Variants in GUCY1A2 observed in about 807,000 individuals in gnomAD.
The protein encoded by GUCY1A2 is guanylate cyclase soluble subunit alpha-2.
A neutral mutation model predicts 63.5 loss-of-function variants in GUCY1A2; 27 were observed. The ratio of observed to expected loss-of-function variants is 0.43; its 90% CI spans 0.31 to 0.59. The LOEUF is 0.59. Among genes scored for constraint, GUCY1A2 ranks in the 20% least tolerant of loss-of-function variants. The probability of loss-of-function intolerance (pLI) is 0.11; values close to 1 mark genes in which losing one functional copy is unlikely to be tolerated. For missense variants in GUCY1A2, 768 were observed against 913.3 expected (o/e 0.84, Z 2.05); for synonymous variants, 364 against 343.5 (o/e 1.06, Z -0.66).
chr11:106,735,054 C>T (rs1466796243), intron 6 of GUCY1A2, among the ~76,000 whole-genome samples: 1 of 151,682 alleles, frequency 6.6e-6, no homozygotes, highest in African/African-American at 2.4e-5. Flanking sequence ...ATAAGTATTT[C>T]GATACAGGCA....
At chr11:106,960,395 T>C (rs1456827688) in intron 3 of GUCY1A2, among the ~76,000 whole-genome samples, 1 of 152,172 alleles carries the variant, frequency 6.6e-6, no homozygotes, top group African/African-American at 2.4e-5. Flanking sequence ...TTCTGTATTG[T>C]TGTGTTTTTG....
At chr11:106,692,273 T>C (rs1862638864) in intron 7 of GUCY1A2, among the ~76,000 whole-genome samples, 1 of 152,176 alleles carries the variant, frequency 6.6e-6, no homozygotes, top group African/African-American at 2.4e-5. Context: ...TCTGGGAGTT[T>C]TGGCAACATG....
At chr11:106,930,432 C>T (rs1461961964) in intron 4 of GUCY1A2, among the ~76,000 whole-genome samples, 1 of 152,186 alleles carries the variant, frequency 6.6e-6, no homozygotes, top group East Asian at 1.9e-4. Flanking sequence ...TCAAGCCATT[C>T]TACAGAGACT....
intron 4 of GUCY1A2, among the ~76,000 whole-genome samples, chr11:106,861,736 C>G (rs547291923): frequency 7.2e-5 from 11 of 152,016 alleles, no homozygotes; most frequent in Admixed American, 5.9e-4. Context: ...AACAAACATG[C>G]TATTAAAAAT....
At chr11:106,868,555 T>A (rs1178107467) in intron 4 of GUCY1A2, among the ~76,000 whole-genome samples, 1 of 152,128 alleles carries the variant, frequency 6.6e-6, no homozygotes, top group Admixed American at 6.6e-5. Flanking sequence ...ACAAGGGATG[T>A]GAAGGACCTC....
At chr11:106,923,297 A>G (rs1028611655) in intron 4 of GUCY1A2, among the ~76,000 whole-genome samples, 2 of 152,228 alleles carry the variant, frequency 1.3e-5, no homozygotes, top group African/African-American at 4.8e-5. Context: ...CCTTAACAAC[A>G]AAACAGAATA....
chr11:106,902,490 C>G (rs1860147639), intron 4 of GUCY1A2, among the ~76,000 whole-genome samples: 1 of 152,166 alleles, frequency 6.6e-6, no homozygotes, highest in Non-Finnish European at 1.5e-5. Context: ...ACCTAGATGG[C>G]ATCTTCTTCC....
chr11:106,752,208 A>G (rs1202455027), intron 6 of GUCY1A2, among the ~76,000 whole-genome samples: 1 of 152,204 alleles, frequency 6.6e-6, no homozygotes, highest in African/African-American at 2.4e-5. Context: ...AAATAAACAA[A>G]ATATAAACGT....
rs1862518350 is a variant in GUCY1A2, at chr11:106,685,874, T to C, written c.*1675A>G. On this transcript the variant is annotated 3_prime_UTR_variant, in exon 8 of 8. Transcript: ENST00000526355. ...CAAATTATAAAAGGGATCAGGATTA[T>C]AACAAATATTTGCATATCTACAAAT... 4.4e-6 allele frequency: 1 copy of C among 226,338 alleles called. No homozygotes were observed. The highest frequency in any genetic ancestry group is 6.4e-5 in the East Asian group (1 of 15,688). The allele number at this position is 226,338 out of a possible 1,614,324, so 14.0% of individuals were successfully genotyped here.
At chr11:106,816,603 TAA>T (rs375578047) in intron 4 of GUCY1A2, among the ~76,000 whole-genome samples, 182 of 148,174 alleles carry the variant, frequency 1.2e-3, no homozygotes, top group African/African-American at 4.4e-3. Flanking sequence ...ACAAAAACCA[TAA>T]GAGAGGTAAT....
chr11:106,864,573 A>C (rs1327869146), intron 4 of GUCY1A2, among the ~76,000 whole-genome samples: 2 of 152,122 alleles, frequency 1.3e-5, no homozygotes, highest in African/African-American at 4.8e-5. Flanking sequence ...AATAGCTCTT[A>C]TTATTTTAAC....
chr11:106,811,521 C>T lies in GUCY1A2; in HGVS notation c.1207-1043G>A, dbSNP rs1858762106. Among the ~76,000 whole-genome samples the T allele has an allele frequency of 2.0e-5, 3 of 152,160 alleles. No individual in the cohort carries two copies. In the South Asian group the frequency reaches 6.2e-4, roughly 32 times the overall value. On this transcript the variant is annotated intron_variant, in intron 4 of 7. Transcript: ENST00000526355. ...GGAATGTGCTCAATACATGTATTTT[C>T]CTGTTTTCTTTATAGCTAAATAGTT... is the stretch of plus-strand genomic sequence containing the variant.
intron 6 of GUCY1A2, among the ~76,000 whole-genome samples, chr11:106,758,962 T>C (rs1864019382): frequency 6.6e-6 from 1 of 152,190 alleles, no homozygotes; most frequent in African/African-American, 2.4e-5. Flanking sequence ...TTCATATTGA[T>C]GTCTTCTAGC....
chr11:106,789,493 T>G (rs1194470686), intron 5 of GUCY1A2, among the ~76,000 whole-genome samples: 3 of 152,182 alleles, frequency 2.0e-5, no homozygotes, highest in Non-Finnish European at 4.4e-5. Flanking sequence ...CGCTGGTGCT[T>G]TATTTCGTTC....
intron 4 of GUCY1A2, among the ~76,000 whole-genome samples, chr11:106,811,413 A>C (rs1431456903): frequency 2.0e-5 from 3 of 152,126 alleles, no homozygotes; most frequent in Non-Finnish European, 4.4e-5. Context: ...AGAAAAAGCC[A>C]GTTGCAATTA....
intron 4 of GUCY1A2, among the ~76,000 whole-genome samples, chr11:106,878,617 G>A (rs1287910265): frequency 6.6e-6 from 1 of 151,750 alleles, no homozygotes; most frequent in Non-Finnish European, 1.5e-5. Context: ...CAAACACTGG[G>A]GCCTACTGGA....
At chr11:106,825,992 C>A (rs1739475362) in intron 4 of GUCY1A2, among the ~76,000 whole-genome samples, 1 of 152,048 alleles carries the variant, frequency 6.6e-6, no homozygotes, top group Admixed American at 6.6e-5. Flanking sequence ...AAGTAAAATA[C>A]AACCGATTTT....
At chr11:106,941,798 T>C (rs981442323) in intron 3 of GUCY1A2, among the ~76,000 whole-genome samples, 3 of 152,200 alleles carry the variant, frequency 2.0e-5, no homozygotes, top group Non-Finnish European at 2.9e-5. Context: ...AGAAGTCAGT[T>C]TGACAAAGAA....
intron 5 of GUCY1A2, among the ~76,000 whole-genome samples, chr11:106,789,879 C>A (rs1864627592): frequency 6.6e-6 from 1 of 152,156 alleles, no homozygotes; most frequent in South Asian, 2.1e-4. Context: ...CTGTGCTGAG[C>A]CACCTGGGGC....
Sources: allele counts gnomAD v4.1 joint callset (sites outside exome capture counted in the v4.1 genomes callset), GRCh38; gene constraint gnomAD v4.1.1; transcripts MANE v1.5; gene names NCBI Gene and HGNC (gene_info 2026-07-23, HGNC 2026-07-21).